Variants in PTPN9 observed in about 807,000 individuals in gnomAD.
PTPN9 encodes the protein protein tyrosine phosphatase non-receptor type 9, also known as tyrosine-protein phosphatase non-receptor type 9.
Under a neutral mutation model 69.8 loss-of-function variants are expected in PTPN9, and 26 were observed. The ratio of observed to expected loss-of-function variants is 0.37; its 90% CI spans 0.27 to 0.52. The LOEUF is 0.52. PTPN9 is among the 20% of genes least tolerant of loss of function. PTPN9 has a pLI of 0.91. For synonymous variants in PTPN9, 274 were observed against 272.5 expected (o/e 1.01, Z -0.05); for missense variants, 549 against 740.3 (o/e 0.74, Z 3.00).
intron 1 of PTPN9, among the ~76,000 whole-genome samples, chr15:75,561,130 A>T (rs1567524863): frequency 6.6e-6 from 1 of 152,042 alleles, no homozygotes; most frequent in Non-Finnish European, 1.5e-5. Flanking sequence ...AGCCTGACCA[A>T]CATGGTGAAA....
chr15:75,506,545 T>A (rs1000793280), intron 6 of PTPN9, among the ~76,000 whole-genome samples: 2 of 152,016 alleles, frequency 1.3e-5, no homozygotes, highest in Non-Finnish European at 2.9e-5. Flanking sequence ...GGTCTCACTT[T>A]TTCACCCAGC....
chr15:75,517,099 G>A (rs1293394084), intron 5 of PTPN9, among the ~76,000 whole-genome samples, 160 bp downstream of exon 5: 3 of 152,052 alleles, frequency 2.0e-5, no homozygotes, highest in African/African-American at 7.2e-5. Flanking sequence ...ATCATTTCTT[G>A]TTCTAAGGAA....
At chr15:75,548,854 C>T (rs546688017) in intron 1 of PTPN9, among the ~76,000 whole-genome samples, 7 of 151,964 alleles carry the variant, frequency 4.6e-5, no homozygotes, top group East Asian at 1.9e-4. Context: ...GGGGTTTCAC[C>T]GTGTTAGCCA....
Position 75,464,798 on chromosome 15 carries a change from A to T in PTPN9, c.*3971T>A, listed in dbSNP as rs1303872552. ...CTAGGGCTATGATGCTAAATAGTCC[A>T]TTCTCCCAAGAACAAGTCCTACTCT... is the stretch of plus-strand genomic sequence containing the variant. On this transcript the variant is annotated 3_prime_UTR_variant, in exon 13 of 13. Coordinates refer to ENST00000618819, the MANE Select transcript of PTPN9 (RefSeq NM_002833.4). The T allele has an allele frequency of 6.6e-6, 1 of 152,210 alleles. No individual in the cohort carries two copies. 9.4% of individuals were successfully genotyped at this position (152,210 alleles called of 1,614,324 possible).
intron 7 of PTPN9, among the ~76,000 whole-genome samples, chr15:75,491,888 C>T (rs1440161496): frequency 6.6e-6 from 1 of 152,124 alleles, no homozygotes; most frequent in Non-Finnish European, 1.5e-5. Context: ...CAAACCAAAT[C>T]TCTTCAATTC....
At chr15:75,503,596 G>C (rs2074789506) in intron 7 of PTPN9, among the ~76,000 whole-genome samples, 1 of 132,002 alleles carries the variant, frequency 7.6e-6, no homozygotes, top group Non-Finnish European at 1.7e-5. Flanking sequence ...AGGGAGGTGG[G>C]GGGGTCAGCC....
intron 1 of PTPN9, among the ~76,000 whole-genome samples, chr15:75,530,217 A>G (rs1206164435): frequency 7.0e-6 from 1 of 142,646 alleles, no homozygotes; most frequent in Non-Finnish European, 1.5e-5. Flanking sequence ...AAAAAAAAAA[A>G]AGAAAAGAAA....
chr15:75,564,527 C>T (rs1010436336), intron 1 of PTPN9, among the ~76,000 whole-genome samples: 5 of 149,892 alleles, frequency 3.3e-5, no homozygotes, highest in Non-Finnish European at 5.9e-5. Context: ...ACCCGGGAGG[C>T]GGAGCTTGCA....
At chr15:75,556,761 A>C (rs966163055) in intron 1 of PTPN9, among the ~76,000 whole-genome samples, 3 of 152,232 alleles carry the variant, frequency 2.0e-5, no homozygotes, top group African/African-American at 7.2e-5. Context: ...TGCATTAAAT[A>C]AATTCACATT....
intron 8 of PTPN9, among the ~76,000 whole-genome samples, chr15:75,489,081 A>G (rs191391527): frequency 1.3e-5 from 2 of 148,212 alleles, no homozygotes; most frequent in African/African-American, 5.0e-5. Context: ...AGGCTGAGGC[A>G]GGAGAATGGC....
intron 7 of PTPN9, among the ~76,000 whole-genome samples, chr15:75,498,241 A>G (rs2074754112): frequency 6.6e-6 from 1 of 152,024 alleles, no homozygotes; most frequent in African/African-American, 2.4e-5. Flanking sequence ...GAATATGCCT[A>G]GTGAATAAAA....
Position 75,505,697 on chromosome 15 carries a change from C to G in PTPN9, c.946G>C (p.Val316Leu). ...EYEDIRRENPVGTFHCSMSPG... is the reference protein window; with the variant it reads ...EYEDIRRENPLGTFHCSMSPG... ...TACATGGAACAGTGGAAAGTGCCAA[C>G]AGGGTTCTCACGACGAATGTCTTCA... The change falls in exon 7 of 13, where the codon GTT becomes CTT. Residue 316 changes from valine to leucine, a missense_variant. Coordinates refer to ENST00000618819, the MANE Select transcript of PTPN9 (RefSeq NM_002833.4). The G allele has an allele frequency of 6.2e-7, 1 of 1,613,904 alleles. No homozygotes were observed. The highest frequency in any genetic ancestry group is 1.1e-5 in the South Asian group (1 of 91,060).
At chr15:75,501,464 CT>C (rs745478766) in intron 7 of PTPN9, among the ~76,000 whole-genome samples, 209 of 122,096 alleles carry the variant, frequency 1.7e-3, no homozygotes, top group Middle Eastern at 3.9e-3. Flanking sequence ...TTCTTTCTTT[CT>C]TTTTTTTTTT....
rs529304494 is a variant in PTPN9 at position 75,559,519 on chromosome 15, G to C, written c.63+19195C>G. ...CATGTGCTGTGTCCACTCAGCGTTAGATGGATTAAGGGCGGTGCAAGATGT... is the reference window on the plus strand; with the variant it reads ...CATGTGCTGTGTCCACTCAGCGTTACATGGATTAAGGGCGGTGCAAGATGT... On this transcript the variant is annotated intron_variant, in intron 1 of 12. Transcript: ENST00000618819. Among the ~76,000 whole-genome samples, 6 of 152,308 alleles carry C rather than the reference G, an allele frequency of 3.9e-5. No individual in the cohort carries two copies. The East Asian group carries it at 1.2e-3, about 29-fold the overall frequency.
intron 1 of PTPN9, among the ~76,000 whole-genome samples, chr15:75,574,295 A>G (rs566112927): frequency 6.6e-6 from 1 of 152,054 alleles, no homozygotes; most frequent in East Asian, 1.9e-4. Context: ...CACAAAAAAA[A>G]AAAAAAAAGG....
intron 1 of PTPN9, 37 bp downstream of exon 1, chr15:75,578,677 C>CGGACACACCCAACGCGGCGGCCT: frequency 7.4e-7 from 1 of 1,351,428 alleles, no homozygotes; most frequent in Non-Finnish European, 9.5e-7. Context: ...CTCGGGGGCC[C>CGGACACACCCAACGCGGCGGCCT]GGACACACCC....
intron 1 of PTPN9, among the ~76,000 whole-genome samples, chr15:75,529,531 TGAGG>T (rs1181953150): frequency 6.6e-6 from 1 of 152,146 alleles, no homozygotes; most frequent in Non-Finnish European, 1.5e-5. Flanking sequence ...AATAAAAAAA[TGAGG>T]TTTGCTTCGA....
At chr15:75,511,845 T>C (rs1260184141) in intron 5 of PTPN9, among the ~76,000 whole-genome samples, 1 of 148,166 alleles carries the variant, frequency 6.7e-6, no homozygotes, top group Non-Finnish European at 1.5e-5. Context: ...TTCCTTTTAA[T>C]TTTTTTTTTG....
In PTPN9 at chr15:75,469,839, G is replaced by A; in HGVS notation, c.1520C>T (p.Pro507Leu). The change falls in exon 12 of 13, where the codon CCT becomes CTT. Residue 507 changes from proline to leucine, a missense_variant. Transcript: ENST00000618819. ...GCAATGGACCACAATGGGTGGCTCA[G>A]GGCACTGCCCTTTGGAGCGTGCTCC... Reference protein sequence around the residue: ...NMGARSKGQCPEPPIVVHCSA... With the variant: ...NMGARSKGQCLEPPIVVHCSA... 1 of 1,613,696 alleles carries A rather than the reference G, an allele frequency of 6.2e-7. No individual in the cohort carries two copies. The highest frequency in any genetic ancestry group is 8.5e-7 in the Non-Finnish European group (1 of 1,180,048).
Sources: allele counts gnomAD v4.1 joint callset (sites outside exome capture counted in the v4.1 genomes callset), GRCh38; gene constraint gnomAD v4.1.1; transcripts MANE v1.5; gene names NCBI Gene and HGNC (gene_info 2026-07-23, HGNC 2026-07-21).